LIX1: variants seen among roughly 807,000 people sequenced by gnomAD.
The protein encoded by LIX1 is limb and CNS expressed 1.
Under a neutral mutation model 33.4 loss-of-function variants are expected in LIX1, and 24 were observed. That is an observed-to-expected ratio of 0.72 (90% CI 0.52 to 1.01). The LOEUF (loss-of-function observed/expected upper bound fraction) is 1.01. Among genes scored for constraint, LIX1 ranks in the 50% least tolerant of loss-of-function variants. The pLI is 0.00. For synonymous variants in LIX1, 124 were observed against 124.0 expected (o/e 1.00, Z 0.00); for missense variants, 311 against 339.2 (o/e 0.92, Z 0.65).
intron 3 of LIX1, 111 bp downstream of exon 3, chr5:97,107,248 GA>G: frequency 9.1e-7 from 1 of 1,095,372 alleles, no homozygotes; most frequent in South Asian, 1.9e-5. Flanking sequence ...GGTAAAAATT[GA>G]ATCTACAGAA....
chr5:97,103,982 A>G (rs1157771554), intron 4 of LIX1, among the ~76,000 whole-genome samples: 2 of 151,864 alleles, frequency 1.3e-5, no homozygotes, highest in African/African-American at 4.8e-5. Context: ...AAAAAAAAAA[A>G]AAAAAAGAAA....
Position 97,099,238 on chromosome 5 carries a change from G to A in LIX1, c.484-2351C>T, listed in dbSNP as rs528849039. Among the ~76,000 whole-genome samples, 20 of 152,234 alleles carry A rather than the reference G, an allele frequency of 1.3e-4. No individual in the cohort carries two copies. In the South Asian group the frequency reaches 1.7e-3, roughly 13 times the overall value. On this transcript the variant is annotated intron_variant, in intron 4 of 5. Coordinates refer to ENST00000274382, the MANE Select transcript of LIX1 (RefSeq NM_153234.5). Reference sequence around the variant, plus strand: ...TTGAAAAAGTGGGAGTGCTTTGTTCGAGAAACCAAATCTCGTCCAATCTGG... The same window carrying A: ...TTGAAAAAGTGGGAGTGCTTTGTTCAAGAAACCAAATCTCGTCCAATCTGG...
chr5:97,141,217 C>A (rs1748279740), intron 1 of LIX1, among the ~76,000 whole-genome samples: 1 of 152,084 alleles, frequency 6.6e-6, no homozygotes. Flanking sequence ...AGCCCGAGAG[C>A]CCTTTTATCC....
intron 1 of LIX1, chr5:97,137,140 A>G: frequency 2.3e-6 from 1 of 442,648 alleles, no homozygotes; most frequent in South Asian, 1.6e-5. Context: ...GCTGTAACTT[A>G]ACACATGAGT....
chr5:97,132,194 G>T (rs1433392272), intron 1 of LIX1, among the ~76,000 whole-genome samples: 1 of 152,174 alleles, frequency 6.6e-6, no homozygotes, highest in African/African-American at 2.4e-5. Context: ...TTGATGCTAT[G>T]AAGTAATAGA....
intron 2 of LIX1, among the ~76,000 whole-genome samples, chr5:97,116,046 G>A (rs1747627131): frequency 6.6e-6 from 1 of 152,096 alleles, no homozygotes; most frequent in Non-Finnish European, 1.5e-5. Flanking sequence ...TTTGTGACTT[G>A]GAGTCCGACT....
intron 1 of LIX1, among the ~76,000 whole-genome samples, chr5:97,130,348 C>T (rs546330712): frequency 9.1e-4 from 139 of 152,268 alleles, no homozygotes; most frequent in Admixed American, 3.2e-3. Context: ...ATTATTTCTC[C>T]GAAAGTTTAG....
At chr5:97,141,055 A>G (rs896832243) in intron 1 of LIX1, among the ~76,000 whole-genome samples, 1 of 152,210 alleles carries the variant, frequency 6.6e-6, no homozygotes, top group African/African-American at 2.4e-5. Context: ...TAGTTCAGCT[A>G]AAAAATGAGC....
intron 1 of LIX1, among the ~76,000 whole-genome samples, chr5:97,129,172 T>C (rs1206551055): frequency 6.6e-6 from 1 of 152,202 alleles, no homozygotes; most frequent in Non-Finnish European, 1.5e-5. Flanking sequence ...ATGCCCTTCT[T>C]TCCACTGTCT....
chr5:97,130,215 AGG>A (rs1278679084), intron 1 of LIX1, among the ~76,000 whole-genome samples: 1 of 152,194 alleles, frequency 6.6e-6, no homozygotes, highest in Non-Finnish European at 1.5e-5. Flanking sequence ...GAGATTGCTG[AGG>A]GGCTTGGTTT....
intron 2 of LIX1, among the ~76,000 whole-genome samples, chr5:97,107,938 G>C (rs186369921): frequency 6.6e-6 from 1 of 152,338 alleles, no homozygotes; most frequent in African/African-American, 2.4e-5. Context: ...AAATTCTAGA[G>C]TCAGACTGCT....
At chr5:97,137,745 AT>A (rs1330992625) in intron 1 of LIX1, among the ~76,000 whole-genome samples, 5 of 152,004 alleles carry the variant, frequency 3.3e-5, no homozygotes, top group Non-Finnish European at 7.4e-5. Flanking sequence ...TTTAAACTGT[AT>A]TTTTTCAGGG....
rs1174749670 is a variant in LIX1, at chr5:97,092,368, GTGT to G, written c.*2377_*2379del. 1.3e-5 allele frequency: 2 copies of G among 152,088 alleles called. No homozygotes were observed. The highest frequency in any genetic ancestry group is 2.9e-5 in the Non-Finnish European group (2 of 68,006). The allele number at this position is 152,088 out of a possible 1,614,324, so 9.4% of individuals were successfully genotyped here. A position where few individuals can be genotyped will look rare whatever the true frequency, so the allele number is the denominator to read the frequency against. On this transcript the variant is annotated 3_prime_UTR_variant, in exon 6 of 6. Coordinates refer to ENST00000274382, the MANE Select transcript of LIX1 (RefSeq NM_153234.5). ...CCACTCTAGTCCCCTTTATCACAGT[GTGT>G]TGTTCAGAACAAGATATAGAAAAGG...
chr5:97,103,748 G>A (rs189289546), intron 4 of LIX1, among the ~76,000 whole-genome samples: 5,608 of 152,168 alleles, frequency 0.037, 151 homozygotes, highest in Middle Eastern at 0.068. Context: ...GGCAGATCAC[G>A]AGGTCAGGAG....
chr5:97,110,837 G>A (rs1221023628), intron 2 of LIX1, among the ~76,000 whole-genome samples: 1 of 151,764 alleles, frequency 6.6e-6, no homozygotes, highest in African/African-American at 2.4e-5. Context: ...TTTTTTCTTG[G>A]TGTTGACACA....
At position 97,096,856 on chromosome 5, in the gene LIX1, C is replaced by T; in HGVS notation, c.515G>A (p.Trp172Ter). ...ELMTIFQLLH[W>*]NGSLKALRET... is the part of the protein sequence containing the mutation. ...ACGAAGGGCTTTTAGGCTTCCATTC[C>T]AGTGCAATAGTTGGAAAATGGTCAT... Residue 172 changes from tryptophan to a stop codon, truncating the protein, a stop_gained, in exon 5 of 6, where the codon TGG becomes TAG. Coordinates refer to ENST00000274382, the MANE Select transcript of LIX1 (RefSeq NM_153234.5). LOFTEE classifies it high-confidence loss of function. The T allele has an allele frequency of 6.2e-7, 1 of 1,614,006 alleles. No homozygotes were observed. Among genetic ancestry groups the T allele is most frequent in the East Asian group, 2.2e-5 (1 of 44,880 alleles).
chr5:97,101,711 A>G (rs1003807267), intron 4 of LIX1: 1 of 152,278 alleles, frequency 6.6e-6, no homozygotes, highest in Non-Finnish European at 1.5e-5. Flanking sequence ...CTTTTCAGCT[A>G]CTTGTGGAGA....
chr5:97,094,712 T>A lies in LIX1; in HGVS notation c.*36A>T. 6.3e-7 allele frequency: 1 copy of A among 1,599,132 alleles called. No homozygotes were observed. The highest frequency in any genetic ancestry group is 1.3e-5 in the African/African-American group (1 of 74,672). On this transcript the variant is annotated 3_prime_UTR_variant, in exon 6 of 6. Transcript: ENST00000274382. ...TGAGATTCCTAATGTTAATCTGGCCTCTGCCATCACTGAGGGTACCCGGGG... is the reference window on the plus strand; with the variant it reads ...TGAGATTCCTAATGTTAATCTGGCCACTGCCATCACTGAGGGTACCCGGGG...
chr5:97,111,792 C>T (rs1378541372), intron 2 of LIX1, among the ~76,000 whole-genome samples: 2 of 152,182 alleles, frequency 1.3e-5, no homozygotes, highest in Admixed American at 6.5e-5. Flanking sequence ...GCACCACATA[C>T]GTTTACAACC....
Sources: gnomAD v4.1 joint callset for allele counts (sites outside exome capture counted in the v4.1 genomes callset) on GRCh38, gnomAD v4.1.1 for gene constraint, MANE v1.5 for transcripts, NCBI Gene and HGNC (gene_info 2026-07-23, HGNC 2026-07-21) for gene names.